ATP10B: variants seen among roughly 807,000 people sequenced by gnomAD.
ATP10B encodes the protein ATPase phospholipid transporting 10B (putative).
ATP10B carries 122 observed loss-of-function variants against 141.2 expected under a neutral mutation model. The observed-to-expected ratio is 0.86, with a 90% confidence interval of 0.75 to 1.00. The LOEUF (loss-of-function observed/expected upper bound fraction) is 1.00. ATP10B is among the 50% of genes least tolerant of loss of function. ATP10B has a pLI of 0.00. For synonymous variants in ATP10B, 685 were observed against 692.0 expected (o/e 0.99, Z 0.16); for missense variants, 1,876 against 1,825.3 (o/e 1.03, Z -0.51).
At chr5:160,887,646 T>C in the ATP10B span, among the ~76,000 whole-genome samples, 2 of 152,164 alleles carry the variant, frequency 1.3e-5, no homozygotes, top group African/African-American at 4.8e-5. Context: ...CCCTCACTCA[T>C]GTTTCTCCAG....
intron 6 of ATP10B, among the ~76,000 whole-genome samples, chr5:160,677,106 C>G (rs187386831): frequency 6.6e-6 from 1 of 152,164 alleles, no homozygotes; most frequent in African/African-American, 2.4e-5. Context: ...AAAACAGAGG[C>G]CATAAATCCT....
intron 1 of ATP10B, among the ~76,000 whole-genome samples, chr5:160,844,462 T>A (rs1775996599): frequency 6.6e-6 from 1 of 152,166 alleles, no homozygotes; most frequent in Non-Finnish European, 1.5e-5. Flanking sequence ...GTCGTAGGAA[T>A]TTTTTCACAG....
At chr5:160,913,147 C>A in the ATP10B span, among the ~76,000 whole-genome samples, 1 of 152,318 alleles carries the variant, frequency 6.6e-6, no homozygotes, top group Admixed American at 6.5e-5. Flanking sequence ...TGAAAGAGCT[C>A]TTTCCTCTTC....
chr5:160,824,802 A>G (rs1040925320), intron 1 of ATP10B, among the ~76,000 whole-genome samples: 11 of 152,194 alleles, frequency 7.2e-5, no homozygotes, highest in Admixed American at 5.9e-4. Context: ...TATGCAATGC[A>G]TGACTGTGTA....
At chr5:160,647,657 C>T (rs1760391882) in intron 8 of ATP10B, among the ~76,000 whole-genome samples, 2 of 152,144 alleles carry the variant, frequency 1.3e-5, no homozygotes, top group African/African-American at 4.8e-5. Context: ...TGGAGAGTGA[C>T]TCAAGGCGTG....
intron 2 of ATP10B, among the ~76,000 whole-genome samples, chr5:160,756,995 T>C (rs1256089533): frequency 6.6e-6 from 1 of 152,062 alleles, no homozygotes; most frequent in Non-Finnish European, 1.5e-5. Flanking sequence ...TCACGCTTTC[T>C]TGTTGTTTTA....
At chr5:160,649,977 T>C (rs1760591541) in intron 7 of ATP10B, among the ~76,000 whole-genome samples, 1 of 151,720 alleles carries the variant, frequency 6.6e-6, no homozygotes. Flanking sequence ...GGCATGGTGG[T>C]GTGTGCCTCT....
intron 2 of ATP10B, among the ~76,000 whole-genome samples, chr5:160,778,643 C>T (rs1013838914): frequency 6.6e-6 from 1 of 152,026 alleles, no homozygotes; most frequent in South Asian, 2.1e-4. Flanking sequence ...AAAATAACTT[C>T]TATTCATGAT....
chr5:160,612,481 A>C, intron 18 of ATP10B: 1 of 305,498 alleles, frequency 3.3e-6, no homozygotes, highest in East Asian at 6.2e-5. Context: ...CAATAGTAGA[A>C]TTTGGGAGAG....
In ATP10B at chr5:160,822,369, T is replaced by A. The variant is rs149471665; in HGVS notation, c.-576+29572A>T. ...AACCAAAAGCCAAAATAAGAAATGC[T>A]GGCAAGGATATGAAGAAAAGGGAAC... On this transcript the variant is annotated intron_variant, in intron 1 of 25. Transcript: ENST00000327245. Among the ~76,000 whole-genome samples the A allele has an allele frequency of 1.7e-3, 265 of 152,158 alleles. 2 individuals are homozygous for A. The highest frequency in any genetic ancestry group is 6.2e-3 in the African/African-American group (256 of 41,540).
At chr5:160,694,590 A>T (rs982432337) in intron 3 of ATP10B, among the ~76,000 whole-genome samples, 45 of 152,266 alleles carry the variant, frequency 3.0e-4, no homozygotes, top group Admixed American at 2.6e-3. Context: ...AACTTTCTCC[A>T]CGTTACCTGG....
In ATP10B at chr5:160,565,681, G is replaced by T. The variant is rs777237067; in HGVS notation, c.4158C>A (p.Asn1386Lys). ...DFSASTPKSS[N>K]PPKRKHVEES... The stretch of plus-strand genomic sequence containing the variant: ...CTTCCACATGCTTCCTCTTGGGAGG[G>T]TTAGAGCTCTTTGGGGTGCTGGCAC... The change falls in exon 26 of 26, where the codon AAC becomes AAA. Residue 1386 changes from asparagine (N) to lysine (K), a missense_variant. By Grantham distance (94) the Asn-to-Lys change is moderately conservative. Coordinates refer to ENST00000327245, the MANE Select transcript of ATP10B (RefSeq NM_025153.3). The T allele has an allele frequency of 1.1e-5, 18 of 1,614,090 alleles. No homozygotes were observed. The highest frequency in any genetic ancestry group is 3.3e-5 in the South Asian group (3 of 91,082).
At chr5:160,726,339 A>G (rs944554929) in intron 2 of ATP10B, among the ~76,000 whole-genome samples, 1 of 152,208 alleles carries the variant, frequency 6.6e-6, no homozygotes, top group African/African-American at 2.4e-5. Flanking sequence ...AAGGTGAAAC[A>G]GGCCCAGGCA....
At chr5:160,664,322 T>A (rs1762180248) in intron 7 of ATP10B, among the ~76,000 whole-genome samples, 1 of 152,218 alleles carries the variant, frequency 6.6e-6, no homozygotes, top group South Asian at 2.1e-4. Flanking sequence ...TTTCTCCCTA[T>A]TGGATCTCAA....
intron 7 of ATP10B, among the ~76,000 whole-genome samples, chr5:160,653,722 T>C (rs1239484921): frequency 7.8e-6 from 1 of 128,494 alleles, no homozygotes; most frequent in Non-Finnish European, 1.6e-5. Flanking sequence ...CATATATACA[T>C]ATATATTATA....
the ATP10B span, among the ~76,000 whole-genome samples, chr5:160,889,953 T>C: frequency 1.3e-5 from 2 of 152,188 alleles, no homozygotes; most frequent in African/African-American, 4.8e-5. Context: ...ACATAGAATC[T>C]TGATCCCTCT....
At chr5:160,798,423 A>G (rs1405205391) in intron 1 of ATP10B, among the ~76,000 whole-genome samples, 1 of 152,194 alleles carries the variant, frequency 6.6e-6, no homozygotes, top group Non-Finnish European at 1.5e-5. Context: ...TCAAGAAGAG[A>G]AAACAGATGC....
intron 3 of ATP10B, among the ~76,000 whole-genome samples, chr5:160,704,095 G>A (rs79195698): frequency 0.017 from 2,634 of 152,094 alleles, 75 homozygotes; most frequent in African/African-American, 0.06. Context: ...TCTCACCTCA[G>A]CCTCTTTAGT....
chr5:160,633,988 G>A (rs1373176154), intron 12 of ATP10B: 3 of 374,270 alleles, frequency 8.0e-6, no homozygotes, highest in South Asian at 4.3e-5. Context: ...GTCAGGTAAG[G>A]TGGCCTGAGA....
Sources: gnomAD v4.1 joint callset for allele counts (sites outside exome capture counted in the v4.1 genomes callset) on GRCh38, gnomAD v4.1.1 for gene constraint, MANE v1.5 for transcripts, NCBI Gene and HGNC (gene_info 2026-07-23, HGNC 2026-07-21) for gene names.